The following MAD1L1 variants were observed in gnomAD, a reference collection of about 807,000 sequenced individuals.
The protein encoded by MAD1L1 is mitotic spindle assembly checkpoint protein MAD1.
MAD1L1 carries 95 observed loss-of-function variants against 96.9 expected under a neutral mutation model. The observed-to-expected ratio is 0.98, with a 90% CI of 0.83 to 1.16. MAD1L1 has a LOEUF of 1.16. Among genes scored for constraint, MAD1L1 ranks in the 50% most tolerant of loss-of-function variants. The pLI, the probability that MAD1L1 is intolerant of heterozygous loss-of-function variation, is 0.00. For missense variants in MAD1L1, 1,007 were observed against 954.4 expected (o/e 1.06, Z -0.73); for synonymous variants, 473 against 396.6 (o/e 1.19, Z -2.29).
At chr7:1,887,978 T>C (rs1351204712) in intron 18 of MAD1L1, among the ~76,000 whole-genome samples, 1 of 93,264 alleles carries the variant, frequency 1.1e-5, no homozygotes, top group Non-Finnish European at 2.1e-5. Context: ...TATGCATGTG[T>C]GTGTGCATGC....
chr7:2,043,986 G>A (rs758376658), intron 12 of MAD1L1, among the ~76,000 whole-genome samples: 3 of 152,220 alleles, frequency 2.0e-5, no homozygotes, highest in Non-Finnish European at 2.9e-5. Flanking sequence ...CCCGTCAAGA[G>A]AGCACACGCA....
At chr7:1,967,759 C>G (rs543141067) in intron 15 of MAD1L1, among the ~76,000 whole-genome samples, 2 of 152,232 alleles carry the variant, frequency 1.3e-5, no homozygotes, top group African/African-American at 4.8e-5. Context: ...CAGGGCGCGG[C>G]CGGCCGCGGG....
intron 18 of MAD1L1, among the ~76,000 whole-genome samples, chr7:1,830,741 C>T (rs2128626590): frequency 6.6e-6 from 1 of 152,250 alleles, no homozygotes; most frequent in East Asian, 1.9e-4. Flanking sequence ...AATCCTAACA[C>T]AACCTGTAAA....
At position 1,936,991 on chromosome 7, in the gene MAD1L1, C is replaced by A. The variant is rs189294924; in HGVS notation, c.1597-94G>T. On this transcript the variant is annotated intron_variant, in intron 16 of 18. Transcript: ENST00000265854. The stretch of plus-strand genomic sequence containing the variant: ...TGGGTCACCATGGCCCAGGAAGACA[C>A]ACAGCACGGGTCACACACAGCACAG... The A allele has an allele frequency of 2.3e-4, 224 of 987,728 alleles. 2 individuals carry two copies. In the East Asian group the frequency reaches 4.8e-3, roughly 21 times the overall value. 61.2% of individuals were successfully genotyped at this position (987,728 alleles called of 1,614,324 possible).
At chr7:2,062,216 T>G (rs1188431162) in intron 12 of MAD1L1, among the ~76,000 whole-genome samples, 8 of 137,894 alleles carry the variant, frequency 5.8e-5, no homozygotes, top group Non-Finnish European at 1.1e-4. Context: ...CACTCCAGCC[T>G]GGGTGACAGA....
chr7:1,900,351 C>T (rs1787169752), intron 17 of MAD1L1, among the ~76,000 whole-genome samples: 1 of 152,214 alleles, frequency 6.6e-6, no homozygotes, highest in African/African-American at 2.4e-5. Flanking sequence ...AACCGCAGGC[C>T]TGTCAGCAGA....
intron 11 of MAD1L1, among the ~76,000 whole-genome samples, chr7:2,101,624 C>T (rs1786786375): frequency 2.6e-5 from 4 of 152,200 alleles, no homozygotes; most frequent in Admixed American, 2.6e-4. Flanking sequence ...GGCTCCATTC[C>T]TAAAGGGCCT....
At chr7:2,029,382 C>T (rs769602017) in intron 12 of MAD1L1, among the ~76,000 whole-genome samples, 6 of 152,074 alleles carry the variant, frequency 3.9e-5, no homozygotes, top group East Asian at 1.9e-4. Flanking sequence ...GTGTGAGAAT[C>T]GGGAAGGCAG....
chr7:1,819,843 G>C (rs1292457661), intron 18 of MAD1L1, among the ~76,000 whole-genome samples: 1 of 152,082 alleles, frequency 6.6e-6, no homozygotes, highest in Non-Finnish European at 1.5e-5. Flanking sequence ...GGAAGTGTGA[G>C]GGATTCCTGT....
At chr7:1,952,795 T>A (rs956216728) in intron 16 of MAD1L1, among the ~76,000 whole-genome samples, 1 of 152,182 alleles carries the variant, frequency 6.6e-6, no homozygotes, top group Non-Finnish European at 1.5e-5. Context: ...GAGGCCACAC[T>A]CTGTCCAACA....
intron 17 of MAD1L1, among the ~76,000 whole-genome samples, chr7:1,919,859 A>G (rs1050773476): frequency 1.3e-5 from 2 of 152,194 alleles, no homozygotes; most frequent in African/African-American, 4.8e-5. Context: ...TTTAACTTTG[A>G]TCAACAAAAA....
In MAD1L1 at chr7:2,199,423, G is replaced by C. The variant is rs550189607; in HGVS notation, c.986+13789C>G. Among the ~76,000 whole-genome samples the C allele has an allele frequency of 3.9e-5, 6 of 152,334 alleles. No individual in the cohort carries two copies. In the South Asian group the frequency reaches 1.2e-3, roughly 32 times the overall value. On this transcript the variant is annotated intron_variant, in intron 10 of 18. Transcript: ENST00000265854. ...TAGGAGGTCCCCTGCCTGCCGTCAT[G>C]AAGGGCGCCTGCAGCCTGGTGCGCC...
At chr7:1,877,837 A>G (rs968026236) in intron 18 of MAD1L1, among the ~76,000 whole-genome samples, 1 of 152,222 alleles carries the variant, frequency 6.6e-6, no homozygotes, top group South Asian at 2.1e-4. Flanking sequence ...TCAAGAAGAT[A>G]TAACAATCTT....
Position 1,859,251 on chromosome 7 carries a change from C to T in MAD1L1, c.1998+38949G>A, listed in dbSNP as rs534813905. The stretch of plus-strand genomic sequence containing the variant: ...GAACGCTCAGGCAGACAGCTGGGTG[C>T]GCAGCAGCTGTGATGATCAGAACCC... On this transcript the variant is annotated intron_variant, in intron 18 of 18. Transcript: ENST00000265854. Among the ~76,000 whole-genome samples, 5 of 152,312 alleles carry T rather than the reference C, an allele frequency of 3.3e-5. 1 individual carries two copies. The highest frequency in any genetic ancestry group is 9.6e-5 in the African/African-American group (4 of 41,566).
intron 16 of MAD1L1, among the ~76,000 whole-genome samples, chr7:1,939,129 C>T (rs564465189): frequency 2.3e-4 from 34 of 145,556 alleles, no homozygotes; most frequent in Non-Finnish European, 4.4e-4. Flanking sequence ...CGCACACACA[C>T]ACGGGCCAGG....
At chr7:2,139,207 C>A (rs143931135) in intron 11 of MAD1L1, among the ~76,000 whole-genome samples, 50 of 152,232 alleles carry the variant, frequency 3.3e-4, no homozygotes, top group African/African-American at 1.1e-3. Context: ...ACAGCCTAAG[C>A]CCTGGCTGCC....
At chr7:1,997,726 G>A (rs1026715193) in intron 14 of MAD1L1, among the ~76,000 whole-genome samples, 3 of 152,228 alleles carry the variant, frequency 2.0e-5, no homozygotes, top group East Asian at 3.9e-4. Flanking sequence ...GGGCAGGGGA[G>A]GGAGGCCACT....
At chr7:2,029,988 T>C (rs1283017493) in intron 12 of MAD1L1, among the ~76,000 whole-genome samples, 3 of 152,182 alleles carry the variant, frequency 2.0e-5, no homozygotes, top group African/African-American at 7.2e-5. Context: ...GAAAGGTCTC[T>C]GGAAAGGGCA....
intron 17 of MAD1L1, among the ~76,000 whole-genome samples, chr7:1,919,925 C>T (rs971262628): frequency 1.3e-5 from 2 of 152,248 alleles, no homozygotes; most frequent in African/African-American, 4.8e-5. Context: ...CCAGGGGTGG[C>T]AGGGCGGAGT....
Sources: gnomAD v4.1 joint callset for allele counts (sites outside exome capture counted in the v4.1 genomes callset) on GRCh38, gnomAD v4.1.1 for gene constraint, MANE v1.5 for transcripts, NCBI Gene and HGNC (gene_info 2026-07-23, HGNC 2026-07-21) for gene names.